The following CMIP variants were observed in gnomAD, a reference collection of about 807,000 sequenced individuals.
CMIP encodes the protein c-Maf inducing protein, also known as C-Maf-inducing protein.
A neutral mutation model predicts 97.3 loss-of-function variants in CMIP; 13 were observed. The observed-to-expected ratio is 0.13, with a 90% CI of 0.09 to 0.21. CMIP has a LOEUF of 0.21. Ranked by LOEUF, CMIP falls within the 10% of genes least tolerant of loss-of-function variation. The probability of loss-of-function intolerance (pLI) is 1.00; values close to 1 mark genes in which losing one functional copy is unlikely to be tolerated. For synonymous variants in CMIP, 538 were observed against 436.3 expected (o/e 1.23, Z -2.91); for missense variants, 847 against 1,024.9 (o/e 0.83, Z 2.37).
chr16:81,587,280 T>C lies in CMIP; in HGVS notation c.301-20287T>C, dbSNP rs779152941. ...CTGATGGGGCCGCCCATTCCTGGGC[T>C]GTACCAGCGATTAAACATTTGAAAC... On this transcript the variant is annotated intron_variant, in intron 1 of 20. Coordinates refer to ENST00000537098, the MANE Select transcript of CMIP (RefSeq NM_198390.3). Among the ~76,000 whole-genome samples the C allele has an allele frequency of 2.6e-4, 39 of 152,268 alleles. 1 individual carries two copies. The highest frequency in any genetic ancestry group is 3.8e-4 in the Non-Finnish European group (26 of 68,042).
At chr16:81,709,669 G>A in intron 20 of CMIP, 77 bp from the exon 21 acceptor site, 2 of 1,528,126 alleles carry the variant, frequency 1.3e-6, no homozygotes, top group African/African-American at 2.7e-5. Context: ...AGCCGGCAAT[G>A]CGGGTGGAGC....
At chr16:81,468,114 G>C (rs1309869383) in intron 1 of CMIP, among the ~76,000 whole-genome samples, 1 of 152,108 alleles carries the variant, frequency 6.6e-6, no homozygotes, top group East Asian at 1.9e-4. Flanking sequence ...ACAAGTCTTT[G>C]AAATGCACGA....
At chr16:81,472,381 G>T (rs1303213043) in intron 1 of CMIP, among the ~76,000 whole-genome samples, 1 of 152,178 alleles carries the variant, frequency 6.6e-6, no homozygotes, top group Non-Finnish European at 1.5e-5. Context: ...CGTATTTCCA[G>T]TGTCCTTCAT....
chr16:81,457,011 A>C (rs1906590163), intron 1 of CMIP, among the ~76,000 whole-genome samples: 1 of 152,156 alleles, frequency 6.6e-6, no homozygotes, highest in South Asian at 2.1e-4. Flanking sequence ...CTGACCCTGC[A>C]GAGCGCTCTG....
intron 1 of CMIP, among the ~76,000 whole-genome samples, chr16:81,479,817 C>G (rs552454824): frequency 6.6e-6 from 1 of 152,190 alleles, no homozygotes; most frequent in Non-Finnish European, 1.5e-5. Context: ...CTCTTGAAAA[C>G]CAACATATGA....
intron 1 of CMIP, chr16:81,517,864 G>T (rs1202870707): frequency 6.5e-5 from 56 of 862,718 alleles, no homozygotes; most frequent in Non-Finnish European, 7.5e-5. Context: ...TGCAGCCAGG[G>T]CGCAGAGTTG....
At chr16:81,708,837 A>C (rs1260878913) in intron 20 of CMIP, among the ~76,000 whole-genome samples, 1 of 152,230 alleles carries the variant, frequency 6.6e-6, no homozygotes, top group African/African-American at 2.4e-5. Context: ...GTGGGGAGCC[A>C]TTGAGGGTTG....
At chr16:81,528,964 C>T (rs1185190091) in intron 1 of CMIP, among the ~76,000 whole-genome samples, 1 of 152,128 alleles carries the variant, frequency 6.6e-6, no homozygotes, top group African/African-American at 2.4e-5. Flanking sequence ...TCCATCCACC[C>T]ACCCATCCCT....
At chr16:81,678,668 G>A in intron 10 of CMIP, 40 bp downstream of exon 10, 1 of 948,458 alleles carries the variant, frequency 1.1e-6, no homozygotes, top group Non-Finnish European at 1.6e-6. Flanking sequence ...GGGGCCGGTG[G>A]GAGGAGACTG....
rs747933746 is a variant in CMIP at position 81,678,306 on chromosome 16, C to T, written c.1066C>T (p.Arg356Trp). 1.2e-6 allele frequency: 2 copies of T among 1,606,574 alleles called. No homozygotes were observed. The highest frequency in any genetic ancestry group is 1.7e-6 in the Non-Finnish European group (2 of 1,176,728). ...CAATTCCCCAAGCCTGAAGGAAATC[C>T]GGAACGGCTGCCAGCAGCCGTGCGA... ...RDNSPSLKEIRNGCQQPCDRK... is the reference protein window; with the variant it reads ...RDNSPSLKEIWNGCQQPCDRK... The change falls in exon 10 of 21, where the codon CGG becomes TGG. Residue 356 changes from arginine to tryptophan, a missense_variant. Physicochemically the swap from Arg to Trp is moderately radical, Grantham distance 101 (BLOSUM62 -3). Transcript: ENST00000537098.
At chr16:81,575,127 C>T (rs1176687025) in intron 1 of CMIP, among the ~76,000 whole-genome samples, 1 of 152,154 alleles carries the variant, frequency 6.6e-6, no homozygotes, top group East Asian at 1.9e-4. Context: ...CAGCCATATG[C>T]TAAATGCATT....
chr16:81,570,758 C>T (rs1567586012), intron 1 of CMIP, among the ~76,000 whole-genome samples: 2 of 152,156 alleles, frequency 1.3e-5, no homozygotes, highest in Non-Finnish European at 2.9e-5. Flanking sequence ...ATCCCTGGTT[C>T]CAGGTCCCCA....
intron 11 of CMIP, 133 bp from the exon 12 acceptor site, chr16:81,693,025 A>G (rs1007280861): frequency 2.9e-5 from 20 of 688,654 alleles, no homozygotes; most frequent in East Asian, 1.1e-4. Context: ...AAATGTTGGC[A>G]TTTCACTCAC....
At chr16:81,649,059 G>T (rs568462061) in intron 3 of CMIP, among the ~76,000 whole-genome samples, 13 of 152,292 alleles carry the variant, frequency 8.5e-5, no homozygotes, top group Non-Finnish European at 1.6e-4. Context: ...TAAGCCATTT[G>T]CACTCAGTCC....
chr16:81,473,811 G>GT (rs5818337), intron 1 of CMIP, among the ~76,000 whole-genome samples: 18,689 of 127,018 alleles, frequency 0.15, 1,429 homozygotes, highest in Non-Finnish European at 0.18. Flanking sequence ...CCACACAGTG[G>GT]TTTTTTTTTT....
intron 10 of CMIP, 92 bp downstream of exon 10, chr16:81,678,720 A>G: frequency 1.6e-6 from 1 of 643,898 alleles, no homozygotes; most frequent in Non-Finnish European, 2.7e-6. Context: ...GGTTCGAGCT[A>G]CGCAGGGCCG....
chr16:81,503,687 G>A (rs910273815), intron 1 of CMIP, among the ~76,000 whole-genome samples: 10 of 152,210 alleles, frequency 6.6e-5, no homozygotes, highest in South Asian at 4.1e-4. Context: ...CTGAGCCACC[G>A]CGCCTGGCCT....
intron 3 of CMIP, among the ~76,000 whole-genome samples, chr16:81,629,134 TAAAAAAA>T (rs10533097): frequency 5.3e-4 from 24 of 45,690 alleles, no homozygotes; most frequent in Non-Finnish European, 8.0e-5. Flanking sequence ...AAACTGTGCT[TAAAAAAA>T]AAAAAAAAAA....
At chr16:81,550,276 G>A (rs1183902293) in intron 1 of CMIP, among the ~76,000 whole-genome samples, 3 of 152,222 alleles carry the variant, frequency 2.0e-5, no homozygotes, top group Admixed American at 6.5e-5. Context: ...CTTCTCATCC[G>A]TGAAATGGGA....
Sources: allele counts gnomAD v4.1 joint callset (sites outside exome capture counted in the v4.1 genomes callset), GRCh38; gene constraint gnomAD v4.1.1; transcripts MANE v1.5; gene names NCBI Gene and HGNC (gene_info 2026-07-23, HGNC 2026-07-21).